The following HEMK1 variants were observed in gnomAD, a reference collection of about 807,000 sequenced individuals.
HEMK1 encodes HemK methyltransferase 1, mitochondrial release factors N(5)-glutamine.
A neutral mutation model predicts 47.9 loss-of-function variants in HEMK1; 36 were observed. The ratio of observed to expected loss-of-function variants is 0.75; its 90% confidence interval spans 0.58 to 0.99. HEMK1 has a LOEUF of 0.99. HEMK1 is among the 50% of genes least tolerant of loss of function. The probability of loss-of-function intolerance (pLI) is 0.00; values close to 1 mark genes in which losing one functional copy is unlikely to be tolerated. For missense variants in HEMK1, 383 were observed against 434.5 expected, an observed-to-expected ratio of 0.88 and a Z score of 1.05; for synonymous variants, 153 against 165.4, an observed-to-expected ratio of 0.93 and a Z score of 0.57.
At chr3:50,577,385 A>C in intron 5 of HEMK1, 124 bp from the exon 6 acceptor site, 1 of 1,202,866 alleles carries the variant, frequency 8.3e-7, no homozygotes, top group Admixed American at 1.8e-5. Flanking sequence ...GGCCAAGAAG[A>C]AAAGGCTGTT....
chr3:50,584,188 C>T lies in HEMK1; in HGVS notation c.*3771C>T, dbSNP rs1230337563. 6.6e-6 allele frequency: 1 copy of T among 152,246 alleles called. No homozygotes were observed. The highest frequency in any genetic ancestry group is 1.5e-5 in the Non-Finnish European group (1 of 68,072). 9.4% of individuals were successfully genotyped at this position (152,246 alleles called of 1,614,324 possible). On this transcript the variant is annotated 3_prime_UTR_variant, in exon 11 of 11. Coordinates refer to ENST00000232854, the MANE Select transcript of HEMK1 (RefSeq NM_016173.5). ...CCTTGGCGGCAGTAGGAGCAGGCGCCAGGTTTCCTGGAGCTCTTGGCTTCA... is the reference window on the plus strand; with the variant it reads ...CCTTGGCGGCAGTAGGAGCAGGCGCTAGGTTTCCTGGAGCTCTTGGCTTCA...
In HEMK1 at chr3:50,571,577, G is replaced by A. The variant is rs1700963204; in HGVS notation, c.229-133G>A. The A allele has an allele frequency of 3.5e-6, 3 of 868,322 alleles. No individual in the cohort carries two copies. In the East Asian group the frequency reaches 7.3e-5, roughly 21 times the overall value. 53.8% of individuals were successfully genotyped at this position (868,322 alleles called of 1,614,324 possible). The stretch of plus-strand genomic sequence containing the variant: ...GCTGTGTAACCTTAGGCAGGATGCT[G>A]CCCCCTCTGGGCCCAGATGATGAGA... On this transcript the variant is annotated intron_variant, in intron 2 of 10. Coordinates refer to ENST00000232854, the MANE Select transcript of HEMK1 (RefSeq NM_016173.5).
chr3:50,593,208 A>T lies in HEMK1; in HGVS notation c.*12791A>T, dbSNP rs1206106796. On this transcript the variant is annotated 3_prime_UTR_variant, in exon 11 of 11. Coordinates refer to ENST00000232854, the MANE Select transcript of HEMK1 (RefSeq NM_016173.5). ...TGGGAGCCTCAGGCCTGGCTTAGGAACCCTGCCCACAGCTGTACTAATGCC... is the reference window on the plus strand; with the variant it reads ...TGGGAGCCTCAGGCCTGGCTTAGGATCCCTGCCCACAGCTGTACTAATGCC... 1 of 152,198 alleles carries T rather than the reference A, an allele frequency of 6.6e-6. No homozygotes were observed. Among genetic ancestry groups the T allele is most frequent in the Non-Finnish European group, 1.5e-5 (1 of 68,160 alleles). The allele number at this position is 152,198 out of a possible 1,614,324, so 9.4% of individuals were successfully genotyped here. A position where few individuals can be genotyped will look rare whatever the true frequency, so the allele number is the denominator to read the frequency against.
At chr3:50,573,445 G>C (rs1212518925) in intron 4 of HEMK1, among the ~76,000 whole-genome samples, 1 of 152,262 alleles carries the variant, frequency 6.6e-6, no homozygotes, top group Non-Finnish European at 1.5e-5. Flanking sequence ...GTCAGGGCAT[G>C]GTGACTTTTG....
rs775286674 is a variant in HEMK1, at chr3:50,571,135, C to T, written c.31C>T (p.Leu11Phe). The T allele has an allele frequency of 4.3e-6, 7 of 1,609,820 alleles. No individual in the cohort carries two copies. In the Admixed American group the frequency reaches 5.1e-5, roughly 12 times the overall value. ...GCTTTGGGGCCGAATGCTGTGGGCC[C>T]TCCTGTCTGGCCCAGGGAGGAGGGG... MELWGRMLWALLSGPGRRGST... is the reference protein window; with the variant it reads MELWGRMLWAFLSGPGRRGST... The change falls in exon 2 of 11, where the codon CTC becomes TTC. Residue 11 changes from leucine to phenylalanine, a missense_variant. By Grantham distance (22) the Leu-to-Phe change is conservative (BLOSUM62 0). Coordinates refer to ENST00000232854, the MANE Select transcript of HEMK1 (RefSeq NM_016173.5).
Position 50,585,980 on chromosome 3 carries a change from G to A in HEMK1, c.*5563G>A, listed in dbSNP as rs1409933417. The A allele has an allele frequency of 6.6e-6, 1 of 152,200 alleles. No individual in the cohort carries two copies. The highest frequency in any genetic ancestry group is 1.5e-5 in the Non-Finnish European group (1 of 68,046). The allele number at this position is 152,200 out of a possible 1,614,324, so 9.4% of individuals were successfully genotyped here. A position where few individuals can be genotyped will look rare whatever the true frequency, so the allele number is the denominator to read the frequency against. On this transcript the variant is annotated 3_prime_UTR_variant, in exon 11 of 11. Transcript: ENST00000232854. ...AAACCCAGGGATTCTGGCCCATAAAGCCCTCTGGGCCAGGTTTATGGGCAG... is the reference window on the plus strand; with the variant it reads ...AAACCCAGGGATTCTGGCCCATAAAACCCTCTGGGCCAGGTTTATGGGCAG...
intron 4 of HEMK1, among the ~76,000 whole-genome samples, chr3:50,572,759 A>G (rs1338700113): frequency 6.6e-6 from 1 of 152,192 alleles, no homozygotes; most frequent in East Asian, 1.9e-4. Flanking sequence ...TGTCCCTCAA[A>G]TTACTAGGAC....
At chr3:50,576,834 A>C (rs1224754485) in intron 4 of HEMK1, among the ~76,000 whole-genome samples, 1 of 152,204 alleles carries the variant, frequency 6.6e-6, no homozygotes, top group Non-Finnish European at 1.5e-5. Flanking sequence ...CATCCCCACG[A>C]GGTGGGCTAT....
At chr3:50,571,406 T>C (rs1700941320) in intron 2 of HEMK1, 74 bp downstream of exon 2, 1 of 1,164,978 alleles carries the variant, frequency 8.6e-7, no homozygotes, top group Non-Finnish European at 1.2e-6. Flanking sequence ...CCAGGTTTTC[T>C]GTTCACTAAG....
intron 8 of HEMK1, 77 bp downstream of exon 8, chr3:50,579,003 A>G: frequency 5.6e-6 from 6 of 1,062,848 alleles, no homozygotes; most frequent in South Asian, 5.5e-5. Context: ...GGACCACACC[A>G]TCTGGAGGGA....
chr3:50,575,043 TG>T lies in HEMK1; in HGVS notation c.415-2007del, dbSNP rs1289975202. On this transcript the variant is annotated intron_variant, in intron 4 of 10. Transcript: ENST00000232854. ...CTGGAGCCCTCTGCTCCATTGGGCC[TG>T]GCTGATGGCATTGGGGTGTGGGGGA... Among the ~76,000 whole-genome samples the T allele has an allele frequency of 2.6e-5, 4 of 152,206 alleles. No individual in the cohort carries two copies. The East Asian group carries it at 7.7e-4, about 29-fold the overall frequency.
chr3:50,580,329 G>C, intron 10 of HEMK1, 52 bp from the exon 11 acceptor site: 1 of 1,612,680 alleles, frequency 6.2e-7, no homozygotes, highest in Non-Finnish European at 8.5e-7. Flanking sequence ...CCCACTTCCT[G>C]TTCATTCCCT....
intron 5 of HEMK1, 61 bp downstream of exon 5, chr3:50,577,247 T>C: frequency 1.3e-6 from 2 of 1,548,388 alleles, no homozygotes; most frequent in Non-Finnish European, 8.8e-7. Context: ...CTCCCATTAG[T>C]GCTTCCCCCA....
In HEMK1 at chr3:50,584,231, G is replaced by C. The variant is rs1432752912; in HGVS notation, c.*3814G>C. ...TGGCTTCAGCCAGCCCCCAGCCAGA[G>C]TCCTGGCTAGGACAGTGACCTGATC... On this transcript the variant is annotated 3_prime_UTR_variant, in exon 11 of 11. Coordinates refer to ENST00000232854, the MANE Select transcript of HEMK1 (RefSeq NM_016173.5). The C allele has an allele frequency of 6.6e-6, 1 of 152,244 alleles. No homozygotes were observed. The highest frequency in any genetic ancestry group is 1.5e-5 in the Non-Finnish European group (1 of 68,072). 9.4% of individuals were successfully genotyped at this position (152,244 alleles called of 1,614,324 possible).
intron 4 of HEMK1, among the ~76,000 whole-genome samples, chr3:50,574,194 A>G (rs1030161178): frequency 8.5e-5 from 13 of 152,068 alleles, no homozygotes; most frequent in Admixed American, 2.0e-4. Context: ...TTGGATTCTT[A>G]CCATATTCAC....
intron 4 of HEMK1, among the ~76,000 whole-genome samples, chr3:50,573,864 TGGCAGTGAATACAGTA>T (rs1701283248): frequency 6.6e-6 from 1 of 152,222 alleles, no homozygotes; most frequent in South Asian, 2.1e-4. Flanking sequence ...GCCCCTGGCC[TGGCAGTGAATACAGTA>T]GGAAACTCAG....
intron 6 of HEMK1, 115 bp from the exon 7 acceptor site, chr3:50,577,711 G>A: frequency 7.5e-7 from 1 of 1,340,932 alleles, no homozygotes; most frequent in Non-Finnish European, 1.1e-6. Flanking sequence ...TTCTGAATGG[G>A]TAGTGGGCAG....
Position 50,585,666 on chromosome 3 carries a change from A to C in HEMK1, c.*5249A>C, listed in dbSNP as rs1207002001. 6.6e-6 allele frequency: 1 copy of C among 152,256 alleles called. No homozygotes were observed. Among genetic ancestry groups the C allele is most frequent in the Non-Finnish European group, 1.5e-5 (1 of 68,074 alleles). The allele number at this position is 152,256 out of a possible 1,614,324, so 9.4% of individuals were successfully genotyped here. A position where few individuals can be genotyped will look rare whatever the true frequency, so the allele number is the denominator to read the frequency against. ...TTTCAGAGCTGAGAAGCTGGGGGACAGAGAGCATGGACACCTGGGTTCAAG... is the reference window on the plus strand; with the variant it reads ...TTTCAGAGCTGAGAAGCTGGGGGACCGAGAGCATGGACACCTGGGTTCAAG... On this transcript the variant is annotated 3_prime_UTR_variant, in exon 11 of 11. Transcript: ENST00000232854.
Position 50,579,741 on chromosome 3 carries a change from G to A in HEMK1, c.771-103G>A, listed in dbSNP as rs2030467812. 4 of 830,866 alleles carry A rather than the reference G, an allele frequency of 4.8e-6. No homozygotes were observed. In the South Asian group the frequency reaches 6.6e-5, roughly 14 times the overall value. The allele number at this position is 830,866 out of a possible 1,614,324, so 51.5% of individuals were successfully genotyped here. On this transcript the variant is annotated intron_variant, in intron 8 of 10. Transcript: ENST00000232854. Reference sequence around the variant, plus strand: ...TCAGATTTGCCCTTCAGCCCAGAGTGTAAGTTCCACAGGGCCCCATTCATG... The same window carrying A: ...TCAGATTTGCCCTTCAGCCCAGAGTATAAGTTCCACAGGGCCCCATTCATG...
Sources: allele counts gnomAD v4.1 joint callset (sites outside exome capture counted in the v4.1 genomes callset), GRCh38; gene constraint gnomAD v4.1.1; transcripts MANE v1.5; gene names NCBI Gene and HGNC (gene_info 2026-07-23, HGNC 2026-07-21).